NFKBIZ: variants seen among roughly 807,000 people sequenced by gnomAD.
The protein encoded by NFKBIZ is NFKB inhibitor zeta.
In NFKBIZ, 19 loss-of-function variants were observed where a neutral mutation model predicts 76.8. That is an observed-to-expected ratio of 0.25 (90% CI 0.17 to 0.36). The LOEUF (loss-of-function observed/expected upper bound fraction) is 0.36. Ranked by LOEUF, NFKBIZ falls within the 10% of genes least tolerant of loss-of-function variation. The probability of loss-of-function intolerance (pLI) is 1.00; values close to 1 mark genes in which losing one functional copy is unlikely to be tolerated. For missense variants in NFKBIZ, 829 were observed against 910.9 expected, an observed-to-expected ratio of 0.91 and a Z score of 1.16; for synonymous variants, 368 against 354.8, an observed-to-expected ratio of 1.04 and a Z score of -0.42.
chr3:101,843,500 G>T (rs549681039), intron 2 of NFKBIZ, among the ~76,000 whole-genome samples: 1 of 152,176 alleles, frequency 6.6e-6, no homozygotes, highest in South Asian at 2.1e-4. Flanking sequence ...AAGAAAATCT[G>T]GTCTCATACA....
rs1943107223 is a variant in NFKBIZ, at chr3:101,859,730, A to C, written c.*359A>C. ...CAGTTTCAAAGCAGGTAAATTGTAA[A>C]TGTTTCTTTAAGAAAAAGCATGTGA... On this transcript the variant is annotated 3_prime_UTR_variant, in exon 12 of 12. Transcript: ENST00000326172. 1 of 169,872 alleles carries C rather than the reference A, an allele frequency of 5.9e-6. No individual in the cohort carries two copies. The highest frequency in any genetic ancestry group is 5.8e-5 in the Admixed American group (1 of 17,230). The allele number at this position is 169,872 out of a possible 1,614,324, so 10.5% of individuals were successfully genotyped here. A position where few individuals can be genotyped will look rare whatever the true frequency, so the allele number is the denominator to read the frequency against.
In NFKBIZ at chr3:101,860,514, C is replaced by T. The variant is rs1051587909; in HGVS notation, c.*1143C>T. 3 of 151,980 alleles carry T rather than the reference C, an allele frequency of 2.0e-5. No individual in the cohort carries two copies. The highest frequency in any genetic ancestry group is 6.5e-5 in the Admixed American group (1 of 15,268). 9.4% of individuals were successfully genotyped at this position (151,980 alleles called of 1,614,324 possible). A position where few individuals can be genotyped will look rare whatever the true frequency, so the allele number is the denominator to read the frequency against. On this transcript the variant is annotated 3_prime_UTR_variant, in exon 12 of 12. Coordinates refer to ENST00000326172, the MANE Select transcript of NFKBIZ (RefSeq NM_031419.4). ...GAAGAGAACACCTCTTTATGGCTTA[C>T]CCTCTAGAATTTCTAATTTATGTGT... is the stretch of plus-strand genomic sequence containing the variant.
At chr3:101,859,136 G>A (rs1943099106) in intron 11 of NFKBIZ, among the ~76,000 whole-genome samples, 182 bp from the exon 12 acceptor site, 2 of 152,040 alleles carry the variant, frequency 1.3e-5, no homozygotes, top group Admixed American at 6.5e-5. Flanking sequence ...AAGTTTAAAA[G>A]GAGTTTAGTA....
At position 101,852,283 on chromosome 3, in the gene NFKBIZ, G is replaced by A. The variant is rs572589338; in HGVS notation, c.429+59G>A. Reference sequence around the variant, plus strand: ...TGGGGAGAGGGGTTAGTCTGTCAGGGTTATTATGATGACCTAGGTCCAGTC... The same window carrying A: ...TGGGGAGAGGGGTTAGTCTGTCAGGATTATTATGATGACCTAGGTCCAGTC... On this transcript the variant is annotated intron_variant, in intron 2 of 11. Transcript: ENST00000326172. 45 of 1,574,812 alleles carry A rather than the reference G, an allele frequency of 2.9e-5. No homozygotes were observed. The African/African-American group carries it at 4.5e-4, about 16-fold the overall frequency.
intron 1 of NFKBIZ, among the ~76,000 whole-genome samples, chr3:101,851,154 C>G (rs555220738): frequency 6.6e-6 from 1 of 152,262 alleles, no homozygotes; most frequent in African/African-American, 2.4e-5. Context: ...TCAAATTATG[C>G]GTTGTTTCTT....
chr3:101,847,591 T>C (rs1942870429), upstream of NFKBIZ, among the ~76,000 whole-genome samples: 1 of 152,228 alleles, frequency 6.6e-6, no homozygotes. Flanking sequence ...CTATTGCTCC[T>C]GGTCTATAAA....
chr3:101,855,626 C>T (rs1943038788), intron 8 of NFKBIZ, 107 bp from the exon 9 acceptor site: 1 of 1,301,134 alleles, frequency 7.7e-7, no homozygotes, highest in Non-Finnish European at 1.1e-6. Context: ...TCTTGTGGAG[C>T]CCATTTATAG....
At chr3:101,844,790 C>T (rs1942828577), upstream of NFKBIZ, among the ~76,000 whole-genome samples, 1 of 152,220 alleles carries the variant, frequency 6.6e-6, no homozygotes, top group Admixed American at 6.5e-5. Context: ...GACTTTTCAT[C>T]TAGAAAATAT....
At chr3:101,855,289 C>CT in intron 7 of NFKBIZ, 81 bp downstream of exon 7, 5 of 1,602,770 alleles carry the variant, frequency 3.1e-6, no homozygotes, top group Non-Finnish European at 4.3e-6. Flanking sequence ...TATAGGTTGC[C>CT]TGTTGCAATG....
intron 2 of NFKBIZ, among the ~76,000 whole-genome samples, chr3:101,832,291 A>T (rs1411623165): frequency 2.0e-5 from 3 of 152,132 alleles, no homozygotes; most frequent in Non-Finnish European, 4.4e-5. Context: ...CTTTAAATAT[A>T]TATTTTTAAA....
chr3:101,855,128 G>T lies in NFKBIZ; in HGVS notation c.1510G>T (p.Ala504Ser). 1.2e-6 allele frequency: 2 copies of T among 1,614,000 alleles called. No homozygotes were observed. The highest frequency in any genetic ancestry group is 1.7e-4 in the Middle Eastern group (1 of 6,060). The change falls in exon 7 of 12, where the codon GCA (alanine) becomes TCA (serine). Residue 504 changes from alanine to serine, a missense_variant. Coordinates refer to ENST00000326172, the MANE Select transcript of NFKBIZ (RefSeq NM_031419.4). Reference protein sequence around the residue: ...LIVQDLVNIGAQVNTTDCWGR... With the variant: ...LIVQDLVNIGSQVNTTDCWGR... ...TGTGCAGGATCTGGTGAACATCGGGGCACAGGTGAACACCACAGACTGCTG... is the reference window on the plus strand; with the variant it reads ...TGTGCAGGATCTGGTGAACATCGGGTCACAGGTGAACACCACAGACTGCTG...
rs1048003041 is a variant in NFKBIZ, at chr3:101,852,173, C to T, written c.378C>T (p.His126=). 1.2e-6 allele frequency: 2 copies of T among 1,614,078 alleles called. No individual in the cohort carries two copies. The highest frequency in any genetic ancestry group is 1.7e-6 in the Non-Finnish European group (2 of 1,180,050). ...VKNSVKELLL[H]IRSHKQKASG... ...ACTCAGTGAAGGAACTCCTGTTGCA[C>T]ATCCGAAGTCATAAACAGAAGGCTT... Residue 126 remains histidine (H), a synonymous_variant, in exon 2 of 12, where the codon CAC becomes CAT. Coordinates refer to ENST00000326172, the MANE Select transcript of NFKBIZ (RefSeq NM_031419.4).
intron 6 of NFKBIZ, 85 bp downstream of exon 6, chr3:101,854,768 A>G: frequency 1.0e-5 from 9 of 867,190 alleles, no homozygotes; most frequent in Non-Finnish European, 1.3e-5. Context: ...AGATCATCTT[A>G]GAGCTCAAGA....
Position 101,836,108 on chromosome 3 carries a change from G to C in NFKBIZ, c.-12+6420G>C, listed in dbSNP as rs185856631. Among the ~76,000 whole-genome samples, 43 of 152,288 alleles carry C rather than the reference G, an allele frequency of 2.8e-4. No individual in the cohort carries two copies. In the East Asian group the frequency reaches 4.1e-3, roughly 14 times the overall value. ...AAAAATGAAGATAATCCTTTGGTGA[G>C]GGTAGAGGGACAGAGTGGGGAATAT... On this transcript the variant is annotated intron_variant, in intron 2 of 12. Transcript: ENST00000394054.
chr3:101,831,370 G>C (rs1235995432), intron 2 of NFKBIZ, among the ~76,000 whole-genome samples: 1 of 152,126 alleles, frequency 6.6e-6, no homozygotes, highest in Non-Finnish European at 1.5e-5. Flanking sequence ...CCCTGTAGTG[G>C]GGTCTAATAC....
At chr3:101,849,310 C>A, upstream of NFKBIZ, 2 of 240,048 alleles carry the variant, frequency 8.3e-6, no homozygotes, top group South Asian at 3.2e-4. Flanking sequence ...AACAACCGGT[C>A]GGTCTGGGCG....
At chr3:101,846,099 A>G (rs1942846292), upstream of NFKBIZ, among the ~76,000 whole-genome samples, 1 of 152,202 alleles carries the variant, frequency 6.6e-6, no homozygotes, top group Non-Finnish European at 1.5e-5. Flanking sequence ...AGTGTCTCGT[A>G]AGACTATAGT....
chr3:101,838,830 G>A (rs1307102562), intron 2 of NFKBIZ, among the ~76,000 whole-genome samples: 1 of 152,180 alleles, frequency 6.6e-6, no homozygotes, highest in African/African-American at 2.4e-5. Context: ...AGCTATGCAT[G>A]TTTGATGTAT....
At chr3:101,841,828 C>T (rs1942788982) in intron 2 of NFKBIZ, among the ~76,000 whole-genome samples, 1 of 152,056 alleles carries the variant, frequency 6.6e-6, no homozygotes, top group Non-Finnish European at 1.5e-5. Flanking sequence ...TATAATAATC[C>T]AAGTGCAGAG....
Sources: allele counts gnomAD v4.1 joint callset (sites outside exome capture counted in the v4.1 genomes callset), GRCh38; gene constraint gnomAD v4.1.1; transcripts MANE v1.5; gene names NCBI Gene and HGNC (gene_info 2026-07-23, HGNC 2026-07-21).